GNG4: variants seen among roughly 807,000 people sequenced by gnomAD.
GNG4 encodes the protein guanine nucleotide-binding protein G(I)/G(S)/G(O) subunit gamma-4.
Under a neutral mutation model 5.8 loss-of-function variants are expected in GNG4, and 4 were observed. The ratio of observed to expected loss-of-function variants is 0.69; its 90% CI spans 0.34 to 1.57. The LOEUF (loss-of-function observed/expected upper bound fraction) is 1.57, where lower values mean the gene tolerates loss of function less well. Ranked by LOEUF, GNG4 falls within the 40% of genes most tolerant of loss-of-function variation. The pLI is 0.06. For synonymous variants in GNG4, 29 were observed against 32.9 expected (o/e 0.88, Z 0.41); for missense variants, 96 against 95.1 (o/e 1.01, Z -0.04).
chr1:235,617,889 T>TAAA (rs34128028), intron 1 of GNG4, among the ~76,000 whole-genome samples: 2 of 109,712 alleles, frequency 1.8e-5, no homozygotes, highest in South Asian at 3.0e-4. Flanking sequence ...TGCCTCTATC[T>TAAA]AAAAAAAAAA....
intron 1 of GNG4, among the ~76,000 whole-genome samples, chr1:235,630,685 C>T (rs73122529): frequency 4.6e-5 from 7 of 152,248 alleles, no homozygotes; most frequent in East Asian, 3.9e-4. Flanking sequence ...ATGACCTAGA[C>T]GCATGGCCTG....
At chr1:235,577,047 C>G (rs1280667710) in intron 3 of GNG4, among the ~76,000 whole-genome samples, 1 of 152,216 alleles carries the variant, frequency 6.6e-6, no homozygotes, top group Non-Finnish European at 1.5e-5. Context: ...TTTCTCTTCC[C>G]AGTGACAGAT....
At chr1:235,574,582 TTAAA>T (rs1270471626) in intron 3 of GNG4, among the ~76,000 whole-genome samples, 5 of 136,386 alleles carry the variant, frequency 3.7e-5, no homozygotes, top group African/African-American at 5.3e-5. Context: ...ATTTATGGTT[TTAAA>T]TAAATTATCA....
At chr1:235,646,927 G>T (rs1657525408) in intron 1 of GNG4, among the ~76,000 whole-genome samples, 1 of 152,124 alleles carries the variant, frequency 6.6e-6, no homozygotes, top group Non-Finnish European at 1.5e-5. Context: ...TTCCTAAAAT[G>T]AAAATTTCAT....
At chr1:235,599,267 C>A (rs1688195958) in intron 1 of GNG4, among the ~76,000 whole-genome samples, 1 of 151,994 alleles carries the variant, frequency 6.6e-6, no homozygotes. Flanking sequence ...CTACCCAAAC[C>A]TACGAAGTCA....
chr1:235,597,623 T>TGC (rs1688156191), intron 1 of GNG4, among the ~76,000 whole-genome samples: 8 of 101,088 alleles, frequency 7.9e-5, no homozygotes, highest in Admixed American at 6.9e-4. Flanking sequence ...TGTGTGTGTG[T>TGC]GTGTGTATTT....
intron 3 of GNG4, among the ~76,000 whole-genome samples, chr1:235,577,472 G>A (rs2102935533): frequency 6.6e-6 from 1 of 151,968 alleles, no homozygotes; most frequent in South Asian, 2.1e-4. Flanking sequence ...GTAGAGTCTT[G>A]CTCTGTCACC....
chr1:235,647,872 G>A (rs772728731), intron 1 of GNG4, among the ~76,000 whole-genome samples: 34 of 152,188 alleles, frequency 2.2e-4, no homozygotes, highest in Non-Finnish European at 2.9e-4. Context: ...CTGACCTCAA[G>A]TGATCTGCCT....
intron 1 of GNG4, among the ~76,000 whole-genome samples, chr1:235,618,545 C>G (rs149459234): frequency 1.8e-3 from 275 of 152,246 alleles, no homozygotes; most frequent in African/African-American, 4.2e-3. Context: ...TCTCCAGAAG[C>G]CTTTCTCAGT....
At chr1:235,593,691 T>C (rs1233707632) in intron 2 of GNG4, among the ~76,000 whole-genome samples, 2 of 152,194 alleles carry the variant, frequency 1.3e-5, no homozygotes, top group Admixed American at 1.3e-4. Flanking sequence ...ATGGTCTCGC[T>C]GGCTCAGGAG....
intron 3 of GNG4, among the ~76,000 whole-genome samples, chr1:235,578,271 C>T (rs1687534875): frequency 6.6e-6 from 1 of 152,070 alleles, no homozygotes; most frequent in Admixed American, 6.6e-5. Flanking sequence ...CAAAAATACA[C>T]AAGATGACAA....
At chr1:235,641,433 G>A (rs1299994616) in intron 1 of GNG4, among the ~76,000 whole-genome samples, 2 of 151,228 alleles carry the variant, frequency 1.3e-5, no homozygotes, top group Admixed American at 6.6e-5. Flanking sequence ...GCTCACGCCC[G>A]TAATCCCAGC....
Position 235,642,245 on chromosome 1 carries a change from G to A in GNG4, c.-123+7417C>T, listed in dbSNP as rs958483015. 3.3e-5 allele frequency among the ~76,000 whole-genome samples: 5 copies of A among 152,254 alleles called. No individual in the cohort carries two copies. Among genetic ancestry groups the A allele is most frequent in the Non-Finnish European group, 7.3e-5 (5 of 68,052 alleles). On this transcript the variant is annotated intron_variant, in intron 1 of 3. Transcript: ENST00000391854. The surrounding 1 kb of genome is among the most constrained non-coding windows in gnomAD (Gnocchi z 4.3). ...TTGGCCCCGCTCCCGTGCAGGTGTCGCGGGTAAGCTGCCGCGGTTACTGTG... is the reference window on the plus strand; with the variant it reads ...TTGGCCCCGCTCCCGTGCAGGTGTCACGGGTAAGCTGCCGCGGTTACTGTG...
At chr1:235,594,770 C>T (rs1688082592) in intron 2 of GNG4, among the ~76,000 whole-genome samples, 1 of 152,336 alleles carries the variant, frequency 6.6e-6, no homozygotes, top group East Asian at 1.9e-4. Flanking sequence ...TCTCCCTCCA[C>T]ACCTCCCTGC....
At chr1:235,557,062 C>T (rs1388128027) in intron 3 of GNG4, among the ~76,000 whole-genome samples, 5 of 152,118 alleles carry the variant, frequency 3.3e-5, no homozygotes, top group East Asian at 1.9e-4. Flanking sequence ...CTTGCTCACC[C>T]GCTGCTCACT....
chr1:235,621,082 A>G (rs1688701536), intron 1 of GNG4, among the ~76,000 whole-genome samples: 1 of 151,764 alleles, frequency 6.6e-6, no homozygotes, highest in Non-Finnish European at 1.5e-5. Flanking sequence ...TTTTGTGTCT[A>G]ATGTCAATTT....
chr1:235,579,332 T>C (rs1365882967), intron 3 of GNG4, among the ~76,000 whole-genome samples: 1 of 151,938 alleles, frequency 6.6e-6, no homozygotes, highest in Non-Finnish European at 1.5e-5. Context: ...ACACCATAAA[T>C]ATACACCATC....
At chr1:235,598,491 C>A (rs1688181014) in intron 1 of GNG4, among the ~76,000 whole-genome samples, 1 of 152,090 alleles carries the variant, frequency 6.6e-6, no homozygotes, top group African/African-American at 2.4e-5. Context: ...CGCCTGTGAT[C>A]CCAGCTATTC....
At chr1:235,639,771 T>C (rs890311599) in intron 1 of GNG4, among the ~76,000 whole-genome samples, 2 of 152,210 alleles carry the variant, frequency 1.3e-5, no homozygotes, top group Non-Finnish European at 2.9e-5. Flanking sequence ...TCTCCCAAAG[T>C]GCTGGGATAT....
Sources: allele counts gnomAD v4.1 joint callset (sites outside exome capture counted in the v4.1 genomes callset), GRCh38; gene constraint gnomAD v4.1.1; non-coding constraint Gnocchi (gnomAD v3.1); transcripts MANE v1.5; gene names NCBI Gene and HGNC (gene_info 2026-07-23, HGNC 2026-07-21).